The following CUL2 variants were observed in gnomAD, a reference collection of about 807,000 sequenced individuals.
The protein encoded by CUL2 is cullin-2.
In CUL2, 22 loss-of-function variants were observed where a neutral mutation model predicts 110.2. The observed-to-expected ratio is 0.20, with a 90% CI of 0.14 to 0.28. The LOEUF (loss-of-function observed/expected upper bound fraction) is 0.28, where lower values mean the gene tolerates loss of function less well. Among genes scored for constraint, CUL2 ranks in the 10% least tolerant of loss-of-function variants. CUL2 has a pLI of 1.00. For missense variants in CUL2, 631 were observed against 905.5 expected, an observed-to-expected ratio of 0.70 and a Z score of 3.89; for synonymous variants, 279 against 293.2, an observed-to-expected ratio of 0.95 and a Z score of 0.49.
chr10:35,016,524 G>A (rs2085037670), intron 17 of CUL2, 130 bp from the exon 18 acceptor site: 3 of 699,612 alleles, frequency 4.3e-6, no homozygotes, highest in African/African-American at 3.6e-5. Context: ...AGCCACTGCT[G>A]TTAACAAGGT....
At chr10:35,075,603 G>A (rs1340694510) in intron 1 of CUL2, among the ~76,000 whole-genome samples, 1 of 146,054 alleles carries the variant, frequency 6.8e-6, no homozygotes, top group Admixed American at 7.0e-5. Flanking sequence ...AGACACACAG[G>A]TCCAGTGGCT....
chr10:35,092,192 C>T (rs141067588), upstream of CUL2, among the ~76,000 whole-genome samples: 232 of 152,278 alleles, frequency 1.5e-3, 1 homozygote, highest in African/African-American at 5.3e-3. Flanking sequence ...TGAGCTCAAG[C>T]GATCTGCCCA....
intron 1 of CUL2, among the ~76,000 whole-genome samples, chr10:35,106,575 G>A (rs1470706763): frequency 4.0e-5 from 6 of 150,544 alleles, no homozygotes; most frequent in Middle Eastern, 3.4e-3. Flanking sequence ...CTCATGATCC[G>A]CCCACCTCGG....
intron 1 of CUL2, among the ~76,000 whole-genome samples, chr10:35,102,224 G>A (rs74982317): frequency 0.14 from 20,550 of 151,546 alleles, 1,580 homozygotes; most frequent in South Asian, 0.2. Context: ...GACAGAGCGA[G>A]ACTCCATCTC....
chr10:35,090,503 G>C (rs1027700736), upstream of CUL2: 27 of 152,582 alleles, frequency 1.8e-4, no homozygotes, highest in Admixed American at 3.3e-4. Flanking sequence ...GGTAGGGAGG[G>C]GGGGAAAGGG....
At chr10:35,085,696 CAA>C (rs1263412257) in intron 1 of CUL2, among the ~76,000 whole-genome samples, 5 of 55,784 alleles carry the variant, frequency 9.0e-5, no homozygotes, top group Non-Finnish European at 1.6e-4. Flanking sequence ...GACTCTGTCT[CAA>C]AAAAAAAAAA....
rs2086845946 is a variant in CUL2 at position 35,077,339 on chromosome 10, C to CA, written c.-22-6001dup. On this transcript the variant is annotated intron_variant, in intron 1 of 20. Transcript: ENST00000374749. Reference sequence around the variant, plus strand: ...AAAACAAACAAACAAACAAAAAAAACAAACAAAAATTAGCCGGGTGTGGTG... The same window carrying CA: ...AAAACAAACAAACAAACAAAAAAAACAAAACAAAAATTAGCCGGGTGTGGTG... Among the ~76,000 whole-genome samples, 4 of 131,804 alleles carry CA rather than the reference C, an allele frequency of 3.0e-5. No individual in the cohort carries two copies. The East Asian group carries it at 8.7e-4, about 29-fold the overall frequency. 86.5% of individuals were successfully genotyped at this position (131,804 alleles called of 152,430 possible).
At chr10:35,025,110 G>C (rs2085302269) in intron 17 of CUL2, 22 bp downstream of exon 17, 1 of 1,467,726 alleles carries the variant, frequency 6.8e-7, no homozygotes, top group African/African-American at 1.5e-5. Flanking sequence ...CATTAAGCCA[G>C]ATATAATTAA....
At chr10:35,117,894 T>G (rs2087628403) in intron 1 of CUL2, among the ~76,000 whole-genome samples, 2 of 152,226 alleles carry the variant, frequency 1.3e-5, no homozygotes, top group Admixed American at 1.3e-4. Flanking sequence ...AGACTTGATT[T>G]TTTTCAGAAC....
chr10:35,083,502 C>G (rs1371403084), intron 1 of CUL2, among the ~76,000 whole-genome samples: 2 of 152,090 alleles, frequency 1.3e-5, no homozygotes, highest in Non-Finnish European at 2.9e-5. Context: ...AAAAAGGAAC[C>G]AGAGCTCCTC....
intron 17 of CUL2, among the ~76,000 whole-genome samples, chr10:35,023,758 G>A (rs938652420): frequency 6.6e-6 from 1 of 150,470 alleles, no homozygotes; most frequent in East Asian, 1.9e-4. Context: ...TTTTCTTAGG[G>A]GAAAAAAAAA....
At chr10:35,029,746 G>T in intron 14 of CUL2, 106 bp from the exon 15 acceptor site, 1 of 772,894 alleles carries the variant, frequency 1.3e-6, no homozygotes, top group Non-Finnish European at 2.0e-6. Flanking sequence ...AAAGGTTCTT[G>T]CATATACACT....
intron 17 of CUL2, among the ~76,000 whole-genome samples, chr10:35,017,462 G>A (rs1336049419): frequency 6.6e-6 from 1 of 152,292 alleles, no homozygotes; most frequent in East Asian, 1.9e-4. Flanking sequence ...GAAAGGCCGA[G>A]GTGGGCAGAT....
chr10:35,013,846 TTAAA>T lies in CUL2; in HGVS notation c.1888-50_1888-47del, dbSNP rs1462168910. 3.2e-6 allele frequency: 4 copies of T among 1,260,422 alleles called. No homozygotes were observed. The South Asian group carries it at 5.7e-5, about 18-fold the overall frequency. 78.1% of individuals were successfully genotyped at this position (1,260,422 alleles called of 1,614,324 possible). A position where few individuals can be genotyped will look rare whatever the true frequency, so the allele number is the denominator to read the frequency against. ...TTTATATTTATAAAAACCAAAATCT[TTAAA>T]TAAGAGTTTGCTGCAAGCAATTCTG... On this transcript the variant is annotated intron_variant, in intron 18 of 20. Coordinates refer to ENST00000374749, the MANE Select transcript of CUL2 (RefSeq NM_003591.4).
At chr10:35,113,181 C>CA (rs71660665) in intron 1 of CUL2, among the ~76,000 whole-genome samples, 13,202 of 36,286 alleles carry the variant, frequency 0.36, 2,788 homozygotes, top group Non-Finnish European at 0.43. Flanking sequence ...GACTCCATCT[C>CA]AAAAAAAAAA....
intron 1 of CUL2, among the ~76,000 whole-genome samples, chr10:35,103,308 A>ATTTTTTTTTTTTTTTTT (rs67257350): frequency 3.2e-5 from 3 of 94,546 alleles, no homozygotes; most frequent in Non-Finnish European, 4.1e-5. Context: ...GGCCAAGCTA[A>ATTTTTTTTTTTTTTTTT]TTTTTTTTTT....
chr10:35,035,025 C>A (rs1234072508), intron 10 of CUL2, 147 bp downstream of exon 10: 2 of 986,244 alleles, frequency 2.0e-6, no homozygotes, highest in Admixed American at 5.5e-5. Flanking sequence ...CCAACAAATT[C>A]TAGGTTTAAA....
rs372309687 is a variant in CUL2 at position 35,031,654 on chromosome 10, G to A, written c.1171-35C>T. ...AAATTGATAATAAATCTTACAAAGG[G>A]TGCTTCTGTATATATCACGCCTCAA... is the stretch of plus-strand genomic sequence containing the variant. On this transcript the variant is annotated intron_variant, in intron 12 of 20. Coordinates refer to ENST00000374749, the MANE Select transcript of CUL2 (RefSeq NM_003591.4). The surrounding 1 kb of genome is among the most constrained non-coding windows in gnomAD (Gnocchi z 4.4). 6.2e-7 allele frequency: 1 copy of A among 1,612,006 alleles called. No individual in the cohort carries two copies. Among genetic ancestry groups the A allele is most frequent in the African/African-American group, 1.3e-5 (1 of 75,020 alleles).
At chr10:35,034,549 A>T (rs1417912849) in intron 10 of CUL2, among the ~76,000 whole-genome samples, 1 of 152,236 alleles carries the variant, frequency 6.6e-6, no homozygotes, top group Non-Finnish European at 1.5e-5. Context: ...AGAGACAGTA[A>T]CATTTGAAGT....
Sources: allele counts gnomAD v4.1 joint callset (sites outside exome capture counted in the v4.1 genomes callset), GRCh38; gene constraint gnomAD v4.1.1; non-coding constraint Gnocchi (gnomAD v3.1); transcripts MANE v1.5; gene names NCBI Gene and HGNC (gene_info 2026-07-23, HGNC 2026-07-21).